Variants in TNPO3 observed in about 807,000 individuals in gnomAD.
TNPO3 encodes the protein transportin-3.
TNPO3 carries 65 observed loss-of-function variants against 122.8 expected under a neutral mutation model. The observed-to-expected ratio is 0.53, with a 90% confidence interval of 0.43 to 0.65. TNPO3 has a LOEUF of 0.65. Ranked by LOEUF, TNPO3 falls within the 30% of genes least tolerant of loss-of-function variation. TNPO3 has a pLI of 0.00. For synonymous variants in TNPO3, 372 were observed against 411.2 expected, an observed-to-expected ratio of 0.90 and a Z score of 1.15; for missense variants, 850 against 1,136.7, an observed-to-expected ratio of 0.75 and a Z score of 3.63.
chr7:128,984,692 C>T (rs1799966610), intron 12 of TNPO3, among the ~76,000 whole-genome samples: 1 of 152,160 alleles, frequency 6.6e-6, no homozygotes, highest in Non-Finnish European at 1.5e-5. Flanking sequence ...GAATGGGCTG[C>T]AATTAGAGAT....
intron 20 of TNPO3, among the ~76,000 whole-genome samples, chr7:128,968,703 G>T (rs1200940058): frequency 2.0e-5 from 3 of 152,012 alleles, no homozygotes; most frequent in Non-Finnish European, 4.4e-5. Flanking sequence ...CATAATAGTT[G>T]TTATATAGCA....
At chr7:128,975,554 C>A (rs1052645320) in intron 17 of TNPO3, among the ~76,000 whole-genome samples, 4 of 152,154 alleles carry the variant, frequency 2.6e-5, no homozygotes, top group Non-Finnish European at 5.9e-5. Flanking sequence ...CCTCCTCCCC[C>A]CTCCAAACAC....
chr7:128,972,660 G>A, intron 18 of TNPO3, 78 bp from the exon 19 acceptor site: 1 of 1,331,984 alleles, frequency 7.5e-7, no homozygotes, highest in East Asian at 2.4e-5. Context: ...GCAAAACTAT[G>A]AAGACAGTAA....
At chr7:129,056,153 C>T, upstream of TNPO3, 3 of 949,364 alleles carry the variant, frequency 3.2e-6, no homozygotes, top group Non-Finnish European at 5.2e-6. Flanking sequence ...GTGCTCTCGC[C>T]ACTGCGTATA....
chr7:129,021,057 G>C (rs1321475508), intron 1 of TNPO3, among the ~76,000 whole-genome samples: 3 of 152,072 alleles, frequency 2.0e-5, no homozygotes, highest in Non-Finnish European at 4.4e-5. Flanking sequence ...GATGGCAGTT[G>C]AAAATGGAGG....
At chr7:128,967,805 C>T (rs997041709) in intron 20 of TNPO3, among the ~76,000 whole-genome samples, 9 of 152,126 alleles carry the variant, frequency 5.9e-5, no homozygotes, top group African/African-American at 2.2e-4. Context: ...ACTCTGTTGC[C>T]CAGGCTGGCG....
At chr7:129,037,857 C>T (rs932385283) in intron 1 of TNPO3, among the ~76,000 whole-genome samples, 8 of 151,980 alleles carry the variant, frequency 5.3e-5, no homozygotes, top group African/African-American at 1.9e-4. Flanking sequence ...CATGAGAGGT[C>T]TCCTACCACT....
At chr7:128,973,818 A>G (rs1274752408) in intron 18 of TNPO3, among the ~76,000 whole-genome samples, 8 of 142,712 alleles carry the variant, frequency 5.6e-5, no homozygotes, top group Non-Finnish European at 1.1e-4. Flanking sequence ...AAAAAAAAAA[A>G]AGAAAAGGAA....
chr7:129,053,451 G>C (rs13222053), intron 1 of TNPO3, among the ~76,000 whole-genome samples: 2 of 142,250 alleles, frequency 1.4e-5, no homozygotes, highest in African/African-American at 5.3e-5. Context: ...GCTGAGATGG[G>C]ACCACTGCAC....
upstream of TNPO3, chr7:129,056,117 T>TG: frequency 1.9e-6 from 2 of 1,078,198 alleles, no homozygotes; most frequent in Non-Finnish European, 2.9e-6. Flanking sequence ...ACGCGGCCAC[T>TG]GTGCCTGCCG....
chr7:129,008,336 G>A (rs1802808372), intron 4 of TNPO3, among the ~76,000 whole-genome samples: 1 of 151,874 alleles, frequency 6.6e-6, no homozygotes, highest in African/African-American at 2.4e-5. Flanking sequence ...GAGCAACAAA[G>A]TTAAGACCCT....
chr7:128,993,658 T>A (rs1176826766), intron 9 of TNPO3, 149 bp downstream of exon 9: 2 of 636,862 alleles, frequency 3.1e-6, no homozygotes, highest in Non-Finnish European at 5.3e-6. Flanking sequence ...AGCTACTATA[T>A]GCCAGGCAGT....
intron 18 of TNPO3, among the ~76,000 whole-genome samples, chr7:128,974,504 G>C (rs76066956): frequency 0.1 from 15,417 of 151,898 alleles, 1,050 homozygotes; most frequent in Middle Eastern, 0.16. Context: ...TATATCTAAA[G>C]GATGCTAAGC....
chr7:129,002,402 C>T (rs983777207), intron 5 of TNPO3, among the ~76,000 whole-genome samples: 2 of 152,140 alleles, frequency 1.3e-5, no homozygotes, highest in Non-Finnish European at 2.9e-5. Flanking sequence ...GGAATCCTCC[C>T]GGGTTTCTAG....
At chr7:129,047,596 C>T (rs1183182024) in intron 1 of TNPO3, among the ~76,000 whole-genome samples, 2 of 152,166 alleles carry the variant, frequency 1.3e-5, no homozygotes, top group African/African-American at 2.4e-5. Flanking sequence ...GATGCTAACT[C>T]ACAGTACAGG....
At chr7:128,956,505 G>C (rs888998457) in intron 22 of TNPO3, among the ~76,000 whole-genome samples, 1 of 152,170 alleles carries the variant, frequency 6.6e-6, no homozygotes, top group African/African-American at 2.4e-5. Flanking sequence ...TCTCCTGTAA[G>C]GGCCAAGCAT....
chr7:129,019,222 T>C (rs1349106089), intron 1 of TNPO3, among the ~76,000 whole-genome samples: 2 of 152,212 alleles, frequency 1.3e-5, no homozygotes, highest in East Asian at 3.8e-4. Context: ...CAGTAGATTG[T>C]AGACAACTAA....
chr7:128,970,363 C>T (rs746145770), intron 19 of TNPO3, 48 bp from the exon 20 acceptor site: 1 of 1,511,492 alleles, frequency 6.6e-7, no homozygotes. Context: ...GTCTCAACTT[C>T]CCAAAGACCA....
rs768334252 is a variant in TNPO3, at chr7:128,974,888, G to A, written c.2253C>T (p.Asp751=). The A allele has an allele frequency of 6.2e-7, 1 of 1,614,170 alleles. No homozygotes were observed. Among genetic ancestry groups the A allele is most frequent in the Non-Finnish European group, 8.5e-7 (1 of 1,180,004 alleles). ...TTTACCTGGTGGCTAGCCGGAACAG[G>A]TCATCTACAGTGTCAGGGTGATTCT... ...GLQNHPDTVD[D]LFRLATRFIQ... The change falls in exon 18 of 23, where the codon GAC becomes GAT. Residue 751 remains aspartate (D), a synonymous_variant. Coordinates refer to ENST00000265388, the MANE Select transcript of TNPO3 (RefSeq NM_012470.4).
Sources: gnomAD v4.1 joint callset for allele counts (sites outside exome capture counted in the v4.1 genomes callset) on GRCh38, gnomAD v4.1.1 for gene constraint, MANE v1.5 for transcripts, NCBI Gene and HGNC (gene_info 2026-07-23, HGNC 2026-07-21) for gene names.